Variants in ANKRD46 observed in about 807,000 individuals in gnomAD.
The protein encoded by ANKRD46 is ankyrin repeat domain-containing protein 46.
Under a neutral mutation model 19.8 loss-of-function variants are expected in ANKRD46, and 13 were observed. The ratio of observed to expected loss-of-function variants is 0.66; its 90% CI spans 0.43 to 1.04. The LOEUF is 1.04. Ranked by LOEUF, ANKRD46 falls within the 50% of genes least tolerant of loss-of-function variation. The pLI is 0.00. For synonymous variants in ANKRD46, 91 were observed against 106.9 expected (o/e 0.85, Z 0.92); for missense variants, 185 against 274.8 (o/e 0.67, Z 2.31).
downstream of ANKRD46, among the ~76,000 whole-genome samples, chr8:100,519,694 C>A (rs535496638): frequency 5.8e-4 from 89 of 152,206 alleles, no homozygotes; most frequent in African/African-American, 2.0e-3. Flanking sequence ...GGCTTCTACA[C>A]GAAGTGGTAA....
chr8:100,518,573 C>A (rs1006378870), downstream of ANKRD46, among the ~76,000 whole-genome samples: 1 of 151,940 alleles, frequency 6.6e-6, no homozygotes, highest in African/African-American at 2.4e-5. Context: ...TATACCAGGC[C>A]GGGTGGGGTG....
At chr8:100,551,379 T>A (rs143760692) in intron 1 of ANKRD46, 1 of 595,254 alleles carries the variant, frequency 1.7e-6, no homozygotes, top group Non-Finnish European at 3.2e-6. Flanking sequence ...GGCTCCCCCA[T>A]TAAGTGAGCC....
chr8:100,545,443 C>T lies in ANKRD46; in HGVS notation c.-130-12132G>A. Among the ~76,000 whole-genome samples, 1 of 152,148 alleles carries T rather than the reference C, an allele frequency of 6.6e-6. No homozygotes were observed. Among genetic ancestry groups the T allele is most frequent in the East Asian group, 1.9e-4 (1 of 5,198 alleles). On this transcript the variant is annotated intron_variant, in intron 1 of 4. Transcript: ENST00000335659. This position sits in a 1 kb window ranked among gnomAD's most constrained non-coding sequence, Gnocchi z 4.7. ...TTCCCCTACACATTCTCTCTTGCCG[C>T]CATGTAAGATGTTCCTTGCTTCCCC...
chr8:100,516,546 A>G (rs1811633787), downstream of ANKRD46, among the ~76,000 whole-genome samples: 1 of 152,244 alleles, frequency 6.6e-6, no homozygotes, highest in South Asian at 2.1e-4. Flanking sequence ...GCTAAAGTGA[A>G]TATTTAGAAC....
downstream of ANKRD46, among the ~76,000 whole-genome samples, chr8:100,515,807 C>T (rs1811621703): frequency 6.6e-6 from 1 of 152,064 alleles, no homozygotes; most frequent in Non-Finnish European, 1.5e-5. Context: ...TCTCCCCAAC[C>T]CTCTCCACTC....
downstream of ANKRD46, chr8:100,520,741 T>TTAA: frequency 2.5e-5 from 18 of 718,770 alleles, no homozygotes; most frequent in Non-Finnish European, 3.0e-5. Flanking sequence ...TATAATACAC[T>TTAA]AAAAAAAAAA....
At chr8:100,555,057 A>G (rs1329317808) in intron 1 of ANKRD46, among the ~76,000 whole-genome samples, 1 of 152,084 alleles carries the variant, frequency 6.6e-6, no homozygotes, top group Non-Finnish European at 1.5e-5. Flanking sequence ...CATAACCATA[A>G]ACTTAAGTTC....
intron 1 of ANKRD46, among the ~76,000 whole-genome samples, chr8:100,547,583 C>G (rs192195453): frequency 6.6e-6 from 1 of 152,286 alleles, no homozygotes; most frequent in East Asian, 1.9e-4. Context: ...GATCATGCCA[C>G]AGCACTCCAG....
intron 4 of ANKRD46, among the ~76,000 whole-genome samples, chr8:100,523,254 T>C (rs1393361599): frequency 6.6e-6 from 1 of 152,062 alleles, no homozygotes; most frequent in Non-Finnish European, 1.5e-5. Context: ...TCTTGTTATG[T>C]TAAATTTAGA....
intron 1 of ANKRD46, among the ~76,000 whole-genome samples, chr8:100,547,941 C>G (rs1387605745): frequency 6.6e-6 from 1 of 152,166 alleles, no homozygotes; most frequent in Admixed American, 6.5e-5. Flanking sequence ...TCACCCTCTA[C>G]CCCAGTCAAT....
rs186299328 is a variant in ANKRD46, at chr8:100,544,091, A to G, written c.-130-10780T>C. Among the ~76,000 whole-genome samples, 32 of 152,254 alleles carry G rather than the reference A, an allele frequency of 2.1e-4. No homozygotes were observed. Among genetic ancestry groups the G allele is most frequent in the African/African-American group, 7.7e-4 (32 of 41,550 alleles). The stretch of plus-strand genomic sequence containing the variant: ...AGATCTTGACCTACAACTACCTTTT[A>G]TATTGCCTTACACTTTAGGAAATAT... On this transcript the variant is annotated intron_variant, in intron 1 of 4. Transcript: ENST00000335659. This position sits in a 1 kb window ranked among gnomAD's most constrained non-coding sequence, Gnocchi z 4.4.
At position 100,515,578 on chromosome 8, in the gene ANKRD46, A is replaced by G. The variant is rs376839046; in HGVS notation, c.637-4939T>C. ...TAACTATGAAAGTACACAGAACACA[A>G]TACTGACACAGTCTATCTTTAGGTA... On this transcript the variant is annotated intron_variant, in intron 5 of 5. Coordinates refer to the ANKRD46 transcript ENST00000520552. 3.3e-5 allele frequency among the ~76,000 whole-genome samples: 5 copies of G among 150,688 alleles called. No homozygotes were observed. The East Asian group carries it at 7.8e-4, about 24-fold the overall frequency.
downstream of ANKRD46, among the ~76,000 whole-genome samples, chr8:100,518,011 C>T (rs1025300686): frequency 5.9e-5 from 9 of 152,032 alleles, no homozygotes; most frequent in Non-Finnish European, 8.8e-5. Flanking sequence ...GCCAACATGA[C>T]GAAAACCCAT....
At chr8:100,520,741 T>TAAAAAAAAAAAAAAAAA (rs5893523), downstream of ANKRD46, 20 of 677,900 alleles carry the variant, frequency 3.0e-5, no homozygotes, top group East Asian at 1.6e-4. Context: ...TATAATACAC[T>TAAAAAAAAAAAAAAAAA]AAAAAAAAAA....
intron 1 of ANKRD46, among the ~76,000 whole-genome samples, chr8:100,547,131 G>C (rs1429695650): frequency 2.6e-5 from 4 of 152,212 alleles, no homozygotes; most frequent in Admixed American, 2.6e-4. Context: ...GGGAAGGCAT[G>C]ATTGGTTTTG....
At chr8:100,552,149 T>TAA (rs75161004) in intron 1 of ANKRD46, among the ~76,000 whole-genome samples, 2,680 of 120,428 alleles carry the variant, frequency 0.022, 108 homozygotes, top group African/African-American at 0.077. Flanking sequence ...GACTCTGTCT[T>TAA]AAAAAAAAAA....
rs1468112991 is a variant in ANKRD46, at chr8:100,524,408, T to C, written c.471-1637A>G. 6.6e-6 allele frequency among the ~76,000 whole-genome samples: 1 copy of C among 152,186 alleles called. No individual in the cohort carries two copies. The highest frequency in any genetic ancestry group is 1.5e-5 in the Non-Finnish European group (1 of 68,012). On this transcript the variant is annotated intron_variant, in intron 4 of 4. Coordinates refer to ENST00000335659, the MANE Select transcript of ANKRD46 (RefSeq NM_001270377.2). This position sits in a 1 kb window ranked among gnomAD's most constrained non-coding sequence, Gnocchi z 4.3. The stretch of plus-strand genomic sequence containing the variant: ...AACTTTATTTTACTTCTTGATACCA[T>C]CAAACAAAAGTCCTTCAGCCTTTAC...
At position 100,529,410 on chromosome 8, in the gene ANKRD46, A is replaced by G; in HGVS notation, c.311+113T>C. The G allele has an allele frequency of 1.8e-6, 2 of 1,127,486 alleles. No homozygotes were observed. Among genetic ancestry groups the G allele is most frequent in the South Asian group, 1.6e-5 (1 of 62,628 alleles). The allele number at this position is 1,127,486 out of a possible 1,614,324, so 69.8% of individuals were successfully genotyped here. ...TTACACTGTCTTCAATGCTTTCTGAACTTATTTCAACTGATTAATGAGGAA... is the reference window on the plus strand; with the variant it reads ...TTACACTGTCTTCAATGCTTTCTGAGCTTATTTCAACTGATTAATGAGGAA... On this transcript the variant is annotated intron_variant, in intron 3 of 4. Coordinates refer to ENST00000335659, the MANE Select transcript of ANKRD46 (RefSeq NM_001270377.2). This position sits in a 1 kb window ranked among gnomAD's most constrained non-coding sequence, Gnocchi z 5.8.
Position 100,544,263 on chromosome 8 carries a change from A to C in ANKRD46, c.-130-10952T>G, listed in dbSNP as rs528978511. On this transcript the variant is annotated intron_variant, in intron 1 of 4. Coordinates refer to ENST00000335659, the MANE Select transcript of ANKRD46 (RefSeq NM_001270377.2). The surrounding 1 kb of genome is among the most constrained non-coding windows in gnomAD (Gnocchi z 4.4). ...AAAGCAGATCACTTCCACTTCCACCAGGAAAGAAAATACCTTACTCATCCA... is the reference window on the plus strand; with the variant it reads ...AAAGCAGATCACTTCCACTTCCACCCGGAAAGAAAATACCTTACTCATCCA... 6.6e-6 allele frequency among the ~76,000 whole-genome samples: 1 copy of C among 152,288 alleles called. No homozygotes were observed. The highest frequency in any genetic ancestry group is 2.1e-4 in the South Asian group (1 of 4,818).
Sources: gnomAD v4.1 joint callset for allele counts (sites outside exome capture counted in the v4.1 genomes callset) on GRCh38, gnomAD v4.1.1 for gene constraint, Gnocchi (gnomAD v3.1) non-coding constraint, MANE v1.5 for transcripts, NCBI Gene and HGNC (gene_info 2026-07-23, HGNC 2026-07-21) for gene names.